The following ABCB1 variants were observed in gnomAD, a reference collection of about 807,000 sequenced individuals.
ABCB1 encodes the protein ATP-dependent translocase ABCB1.
ABCB1 carries 69 observed loss-of-function variants against 142.0 expected under a neutral mutation model. The observed-to-expected ratio is 0.49, with a 90% CI of 0.40 to 0.59. The LOEUF (loss-of-function observed/expected upper bound fraction) is 0.59. Among genes scored for constraint, ABCB1 ranks in the 20% least tolerant of loss-of-function variants. The pLI, the probability that ABCB1 is intolerant of heterozygous loss-of-function variation, is 0.00. For synonymous variants in ABCB1, 532 were observed against 539.2 expected, an observed-to-expected ratio of 0.99 and a Z score of 0.18; for missense variants, 1,326 against 1,554.7, an observed-to-expected ratio of 0.85 and a Z score of 2.47.
chr7:87,701,311 CA>C (rs1274788317), intron 1 of ABCB1, among the ~76,000 whole-genome samples: 1 of 152,126 alleles, frequency 6.6e-6, no homozygotes, highest in African/African-American at 2.4e-5. Flanking sequence ...AAACAGCTGA[CA>C]GTATTTGTTG....
At chr7:87,556,810 C>T (rs537709711) in intron 8 of ABCB1, among the ~76,000 whole-genome samples, 127 of 152,242 alleles carry the variant, frequency 8.3e-4, no homozygotes, top group Non-Finnish European at 1.6e-3. Context: ...CCTTAGAATA[C>T]AATCCTAACT....
chr7:87,657,141 G>A (rs565526898), intron 1 of ABCB1, among the ~76,000 whole-genome samples: 3 of 152,150 alleles, frequency 2.0e-5, no homozygotes, highest in Non-Finnish European at 2.9e-5. Context: ...GAAAGGTAGC[G>A]AGTAGAAGAA....
At chr7:87,602,125 C>T (rs982083218), upstream of ABCB1, among the ~76,000 whole-genome samples, 1 of 152,052 alleles carries the variant, frequency 6.6e-6, no homozygotes, top group African/African-American at 2.4e-5. Context: ...TCCCAGGTAG[C>T]TGGGACTACA....
chr7:87,550,838 C>T lies in ABCB1; in HGVS notation c.1000G>A (p.Val334Ile), dbSNP rs1817031908. The T allele has an allele frequency of 1.3e-6, 2 of 1,590,678 alleles. No individual in the cohort carries two copies. The highest frequency in any genetic ancestry group is 1.3e-5 in the African/African-American group (1 of 74,418). The change falls in exon 10 of 28, where the codon GTA (valine) becomes ATA (isoleucine). Residue 334 changes from valine to isoleucine, a missense_variant and splice_region_variant. Transcript: ENST00000622132. ...GEYSIGQVLT[V>I]FFSVLIGAFS... ...GCCCCAATTAATACAGAAAAGAATA[C>T]CTGAGGAATGTGAAGAAAAACCATC...
intron 1 of ABCB1, among the ~76,000 whole-genome samples, chr7:87,640,726 ATTC>A (rs1235492091): frequency 1.3e-5 from 2 of 151,806 alleles, no homozygotes; most frequent in East Asian, 1.9e-4. Context: ...CATGGTTTCT[ATTC>A]TTCTTTCTCT....
intron 14 of ABCB1, among the ~76,000 whole-genome samples, 154 bp downstream of exon 14, chr7:87,549,194 T>G (rs1209017436): frequency 6.6e-6 from 1 of 152,298 alleles, no homozygotes; most frequent in African/African-American, 2.4e-5. Flanking sequence ...TAGAAAAAGA[T>G]TTCAAAGAGG....
chr7:87,707,581 G>C (rs1829717414), intron 1 of ABCB1, among the ~76,000 whole-genome samples: 1 of 152,086 alleles, frequency 6.6e-6, no homozygotes, highest in East Asian at 1.9e-4. Context: ...GGCTGAGGTG[G>C]GAGGGTCACT....
intron 20 of ABCB1, among the ~76,000 whole-genome samples, chr7:87,532,883 T>G (rs940155207): frequency 6.6e-6 from 1 of 152,150 alleles, no homozygotes; most frequent in African/African-American, 2.4e-5. Flanking sequence ...AACAATAGAA[T>G]CCTTTATAAT....
chr7:87,640,535 G>A (rs933148016), intron 1 of ABCB1, among the ~76,000 whole-genome samples: 2 of 151,924 alleles, frequency 1.3e-5, no homozygotes, highest in Non-Finnish European at 2.9e-5. Flanking sequence ...TGTAGATATA[G>A]GATCTGGCTA....
intron 1 of ABCB1, among the ~76,000 whole-genome samples, chr7:87,619,035 G>A (rs1820127117): frequency 6.6e-6 from 1 of 152,174 alleles, no homozygotes; most frequent in South Asian, 2.1e-4. Flanking sequence ...GAACCCCTGA[G>A]CAGAAAACCC....
At chr7:87,617,880 C>T (rs1043344721) in intron 1 of ABCB1, among the ~76,000 whole-genome samples, 1 of 152,076 alleles carries the variant, frequency 6.6e-6, no homozygotes, top group Non-Finnish European at 1.5e-5. Context: ...TCCTATCTTC[C>T]TCTCTGGCCT....
At chr7:87,598,120 T>C (rs1819283363) in intron 2 of ABCB1, among the ~76,000 whole-genome samples, 1 of 152,200 alleles carries the variant, frequency 6.6e-6, no homozygotes, top group Non-Finnish European at 1.5e-5. Context: ...TAAAAGAGAA[T>C]GTAAACTATC....
At chr7:87,560,030 CTTATT>C (rs1462434979) in intron 8 of ABCB1, among the ~76,000 whole-genome samples, 3 of 152,100 alleles carry the variant, frequency 2.0e-5, no homozygotes, top group African/African-American at 4.8e-5. Context: ...TCATGATTCT[CTTATT>C]TTATTTCCCC....
At chr7:87,547,530 CCAGTCGGGG>C (rs1816836686) in intron 14 of ABCB1, among the ~76,000 whole-genome samples, 1 of 151,288 alleles carries the variant, frequency 6.6e-6, no homozygotes, top group Non-Finnish European at 1.5e-5. Flanking sequence ...GAGTCTGAGA[CCAGTCGGGG>C]CAAGATAGTG....
At chr7:87,681,888 T>C (rs1826961968) in intron 1 of ABCB1, among the ~76,000 whole-genome samples, 1 of 152,214 alleles carries the variant, frequency 6.6e-6, no homozygotes, top group Non-Finnish European at 1.5e-5. Flanking sequence ...CATGGACTCT[T>C]CCTTTCATGA....
intron 1 of ABCB1, among the ~76,000 whole-genome samples, chr7:87,656,887 G>A (rs2130420914): frequency 6.6e-6 from 1 of 152,070 alleles, no homozygotes; most frequent in South Asian, 2.1e-4. Context: ...TTATTCAATT[G>A]TATTTATTGA....
intron 22 of ABCB1, among the ~76,000 whole-genome samples, chr7:87,520,167 C>A (rs1157798543): frequency 3.9e-5 from 6 of 152,130 alleles, no homozygotes; most frequent in African/African-American, 1.2e-4. Context: ...ACCTTCATCA[C>A]ATATGAAGAT....
chr7:87,630,779 C>G (rs1821137160), intron 1 of ABCB1, among the ~76,000 whole-genome samples: 1 of 151,350 alleles, frequency 6.6e-6, no homozygotes, highest in South Asian at 2.1e-4. Flanking sequence ...GGTACTGTTC[C>G]TTTTGCTTCT....
chr7:87,536,615 G>T (rs1816306636), intron 19 of ABCB1, 74 bp from the exon 20 acceptor site: 7 of 1,399,438 alleles, frequency 5.0e-6, no homozygotes, highest in Non-Finnish European at 7.1e-6. Context: ...GCAGCGATGG[G>T]GTCAGTTTTG....
Sources: gnomAD v4.1 joint callset for allele counts (sites outside exome capture counted in the v4.1 genomes callset) on GRCh38, gnomAD v4.1.1 for gene constraint, MANE v1.5 for transcripts, NCBI Gene and HGNC (gene_info 2026-07-23, HGNC 2026-07-21) for gene names.